Variants in NECAB2 observed in about 807,000 individuals in gnomAD.
The protein encoded by NECAB2 is N-terminal EF-hand calcium-binding protein 2.
A neutral mutation model predicts 51.9 loss-of-function variants in NECAB2; 68 were observed. That is an observed-to-expected ratio of 1.31 (90% CI 1.08 to 1.60). NECAB2 has a LOEUF of 1.60. Ranked by LOEUF, NECAB2 falls within the 40% of genes most tolerant of loss-of-function variation. The probability of loss-of-function intolerance (pLI) is 0.00; values close to 1 mark genes in which losing one functional copy is unlikely to be tolerated. For missense variants in NECAB2, 854 were observed against 490.3 expected (o/e 1.74, Z -7.00); for synonymous variants, 329 against 203.5 (o/e 1.62, Z -5.25).
At chr16:83,977,012 A>G (rs67330362) in intron 2 of NECAB2, among the ~76,000 whole-genome samples, 45,106 of 152,214 alleles carry the variant, frequency 0.3, 11,798 homozygotes, top group African/African-American at 0.71. Flanking sequence ...ACCCGAGGAA[A>G]TGGAGGGTTT....
rs1156954840 is a variant in NECAB2, at chr16:83,981,037, T to C, written c.369T>C (p.Phe123=). 6.2e-7 allele frequency: 1 copy of C among 1,613,982 alleles called. No homozygotes were observed. Among genetic ancestry groups the C allele is most frequent in the Non-Finnish European group, 8.5e-7 (1 of 1,179,978 alleles). ...HVDTKELCDY[F]VDHMGDYEDV... is the part of the protein sequence containing the mutation. The stretch of plus-strand genomic sequence containing the variant: ...TTGCCTTTCCTTCCCCAGATTACTT[T>C]GTGGACCACATGGGTGACTATGAGG... The change falls in exon 5 of 13, where the codon TTT becomes TTC. Residue 123 remains phenylalanine, a synonymous_variant. Transcript: ENST00000305202.
chr16:83,996,602 GAC>G (rs72197264), intron 8 of NECAB2, among the ~76,000 whole-genome samples: 29,400 of 151,018 alleles, frequency 0.19, 3,383 homozygotes, highest in Non-Finnish European at 0.25. Flanking sequence ...GCGTCAGGTA[GAC>G]ACACTGGGTT....
chr16:83,986,679 A>T (rs982123122), intron 5 of NECAB2, among the ~76,000 whole-genome samples: 2 of 135,106 alleles, frequency 1.5e-5, no homozygotes, highest in Admixed American at 7.5e-5. Context: ...CTCACGGCAA[A>T]TTTTTTTTTT....
rs770711928 is a variant in NECAB2, at chr16:84,000,787, G to C, written c.1026G>C (p.Glu342Asp). Residue 342 changes from glutamate to aspartate, a missense_variant, in exon 11 of 13, where the codon GAG becomes GAC. Physicochemically the swap from Glu to Asp is conservative, Grantham distance 45. Coordinates refer to ENST00000305202, the MANE Select transcript of NECAB2 (RefSeq NM_019065.3). The part of the protein sequence containing the change: ...TFVIYEFWET[E>D]EAWKRHLQSP... ...TCATCTATGAGTTCTGGGAGACAGA[G>C]GAGGCGTGGAAGAGGTGAGATGCTG... 1 of 1,613,714 alleles carries C rather than the reference G, an allele frequency of 6.2e-7. No individual in the cohort carries two copies. Among genetic ancestry groups the C allele is most frequent in the South Asian group, 1.1e-5 (1 of 91,080 alleles).
chr16:83,992,896 T>C (rs2084644247), intron 6 of NECAB2, among the ~76,000 whole-genome samples: 1 of 152,156 alleles, frequency 6.6e-6, no homozygotes, highest in Admixed American at 6.5e-5. Context: ...TGTTACTATC[T>C]TGATGAAAAA....
chr16:83,991,042 C>T (rs370253015), intron 6 of NECAB2, among the ~76,000 whole-genome samples: 170 of 152,212 alleles, frequency 1.1e-3, no homozygotes, highest in African/African-American at 3.7e-3. Flanking sequence ...AGTGCAGTGG[C>T]GTGATTTTGG....
intron 5 of NECAB2, among the ~76,000 whole-genome samples, chr16:83,988,453 A>G (rs750270901): frequency 1.3e-5 from 2 of 152,220 alleles, no homozygotes; most frequent in Non-Finnish European, 2.9e-5. Context: ...AATAATTTTT[A>G]AGATTTTAGG....
chr16:83,994,267 G>A (rs374681806), intron 6 of NECAB2, 35 bp from the exon 7 acceptor site: 15 of 1,604,184 alleles, frequency 9.4e-6, no homozygotes, highest in East Asian at 2.2e-5. Context: ...TGAAGCCACC[G>A]CCATGGTCTG....
In NECAB2 at chr16:84,001,814, C is replaced by G. The variant is rs768266037; in HGVS notation, c.1041-11C>G. On this transcript the variant is annotated splice_polypyrimidine_tract_variant and intron_variant, in intron 11 of 12. Transcript: ENST00000305202. ...TGCCACCCCTGACTCACACATGTCC[C>G]TGCGTCACAGGCACCTGCAGAGCCC... is the stretch of plus-strand genomic sequence containing the variant. 4.1e-5 allele frequency: 66 copies of G among 1,613,766 alleles called. No homozygotes were observed. Among genetic ancestry groups the G allele is most frequent in the Non-Finnish European group, 5.4e-5 (64 of 1,179,858 alleles).
At chr16:83,990,141 T>C (rs933667353) in intron 5 of NECAB2, among the ~76,000 whole-genome samples, 3 of 152,190 alleles carry the variant, frequency 2.0e-5, no homozygotes, top group African/African-American at 7.2e-5. Context: ...CTACTGTTGA[T>C]TGAGTCTTTG....
At chr16:83,976,589 GT>G (rs1252778094) in intron 2 of NECAB2, among the ~76,000 whole-genome samples, 38 of 152,310 alleles carry the variant, frequency 2.5e-4, no homozygotes, top group African/African-American at 8.9e-4. Flanking sequence ...ACTTTTAGTT[GT>G]TAGGTTTTGG....
upstream of NECAB2, chr16:83,965,945 C>T (rs989697127): frequency 5.6e-6 from 9 of 1,611,012 alleles, no homozygotes; most frequent in African/African-American, 8.0e-5. Flanking sequence ...GAGGTTTGTG[C>T]AGGGGGGCGC....
intron 12 of NECAB2, 94 bp from the exon 13 acceptor site, chr16:84,002,224 C>G: frequency 1.4e-6 from 2 of 1,475,572 alleles, no homozygotes; most frequent in Non-Finnish European, 1.9e-6. Context: ...GGACTCAAAG[C>G]CATCCCCCGA....
intron 11 of NECAB2, among the ~76,000 whole-genome samples, 179 bp downstream of exon 11, chr16:84,000,980 G>GC (rs2084819997): frequency 1.3e-5 from 2 of 152,012 alleles, no homozygotes; most frequent in African/African-American, 4.8e-5. Flanking sequence ...GGAGCTCTTG[G>GC]TGGGTAGTGA....
At position 83,993,938 on chromosome 16, in the gene NECAB2, C is replaced by T. The variant is rs1166920867; in HGVS notation, c.597-364C>T. On this transcript the variant is annotated intron_variant, in intron 6 of 12. Coordinates refer to ENST00000305202, the MANE Select transcript of NECAB2 (RefSeq NM_019065.3). Reference sequence around the variant, plus strand: ...GCCTATCATGAGGGAGGGAGGGGGACTTGGTCACTCCACAGCTTGGGCTCT... The same window carrying T: ...GCCTATCATGAGGGAGGGAGGGGGATTTGGTCACTCCACAGCTTGGGCTCT... Among the ~76,000 whole-genome samples the T allele has an allele frequency of 2.6e-5, 4 of 152,038 alleles. No individual in the cohort carries two copies. In the East Asian group the frequency reaches 7.8e-4, roughly 29 times the overall value.
At chr16:83,997,141 G>C in intron 8 of NECAB2, 75 bp from the exon 9 acceptor site, 2 of 1,589,028 alleles carry the variant, frequency 1.3e-6, no homozygotes, top group South Asian at 2.2e-5. Flanking sequence ...CAGCCCCAGG[G>C]ATCCCAGAGC....
intron 2 of NECAB2, among the ~76,000 whole-genome samples, chr16:83,976,698 C>T (rs977615382): frequency 1.6e-4 from 20 of 125,042 alleles, no homozygotes; most frequent in African/African-American, 2.7e-4. Context: ...ATCTGAGCTG[C>T]GATGGGGGCA....
intron 5 of NECAB2, among the ~76,000 whole-genome samples, chr16:83,982,855 T>C (rs1241843938): frequency 6.6e-6 from 1 of 151,918 alleles, no homozygotes; most frequent in Non-Finnish European, 1.5e-5. Flanking sequence ...CCTTTTTTTT[T>C]GTTTTCTTTT....
intron 3 of NECAB2, among the ~76,000 whole-genome samples, chr16:83,980,210 C>T (rs1291715863): frequency 3.3e-5 from 5 of 152,202 alleles, no homozygotes; most frequent in Non-Finnish European, 7.3e-5. Context: ...TCCCAGAGGG[C>T]CTCAGCTTAT....
Sources: allele counts gnomAD v4.1 joint callset (sites outside exome capture counted in the v4.1 genomes callset), GRCh38; gene constraint gnomAD v4.1.1; transcripts MANE v1.5; gene names NCBI Gene and HGNC (gene_info 2026-07-23, HGNC 2026-07-21).